The following SH3TC1 variants were observed in gnomAD, a reference collection of about 807,000 sequenced individuals.
The protein encoded by SH3TC1 is SH3 domain and tetratricopeptide repeats 1.
In SH3TC1, 135 loss-of-function variants were observed where a neutral mutation model predicts 117.3. That is an observed-to-expected ratio of 1.15 (90% confidence interval 1.00 to 1.33). The LOEUF (loss-of-function observed/expected upper bound fraction) is 1.33. SH3TC1 is among the 40% of genes most tolerant of loss of function. SH3TC1 has a pLI of 0.00. For missense variants in SH3TC1, 2,092 were observed against 1,794.3 expected (o/e 1.17, Z -3.00); for synonymous variants, 898 against 816.9 (o/e 1.10, Z -1.69).
rs756892676 is a variant in SH3TC1, at chr4:8,235,496, G to A, written c.3346G>A (p.Ala1116Thr). The change falls in exon 15 of 18, where the codon GCT (alanine) becomes ACT (threonine). Residue 1116 changes from alanine to threonine, a missense_variant. Ala to Thr is a moderately conservative substitution (Grantham distance 58, BLOSUM62 0). Coordinates refer to ENST00000245105, the MANE Select transcript of SH3TC1 (RefSeq NM_018986.5). The part of the protein sequence containing the change: ...PNLGLELFEA[A>T]GDIFFDGAWE... Reference sequence around the variant, plus strand: ...CCTGGGGCTGGAGCTGTTTGAGGCGGCTGGAGACATCTTCTTCGACGGGGC... The same window carrying A: ...CCTGGGGCTGGAGCTGTTTGAGGCGACTGGAGACATCTTCTTCGACGGGGC... The A allele has an allele frequency of 6.2e-6, 10 of 1,606,404 alleles. No individual in the cohort carries two copies. In the South Asian group the frequency reaches 8.9e-5, roughly 14 times the overall value.
chr4:8,218,239 C>A (rs1375342679), intron 7 of SH3TC1, 32 bp from the exon 8 acceptor site: 23 of 1,579,156 alleles, frequency 1.5e-5, no homozygotes, highest in Non-Finnish European at 1.7e-5. Flanking sequence ...ATCTGAAATC[C>A]CGCAGCAAAG....
At chr4:8,188,475 A>C (rs953405964) in intron 1 of SH3TC1, among the ~76,000 whole-genome samples, 1 of 152,194 alleles carries the variant, frequency 6.6e-6, no homozygotes, top group African/African-American at 2.4e-5. Flanking sequence ...GCAGGGCCGT[A>C]AAGCAGCTCC....
At chr4:8,189,756 G>T (rs1399721985) in intron 1 of SH3TC1, among the ~76,000 whole-genome samples, 1 of 152,178 alleles carries the variant, frequency 6.6e-6, no homozygotes, top group Non-Finnish European at 1.5e-5. Flanking sequence ...ACTGGCACAG[G>T]CCCTCATTCT....
At chr4:8,236,235 G>T in intron 15 of SH3TC1, 43 bp from the exon 16 acceptor site, 1 of 1,512,128 alleles carries the variant, frequency 6.6e-7, no homozygotes, top group Non-Finnish European at 8.9e-7. Flanking sequence ...GCTGGGCAAG[G>T]TGGGTGCTGC....
At chr4:8,224,480 T>TC (rs1341436172) in intron 10 of SH3TC1, 2 of 152,208 alleles carry the variant, frequency 1.3e-5, no homozygotes, top group East Asian at 3.9e-4. Context: ...TAAGTGGGGG[T>TC]GTTGCAGGAT....
intron 1 of SH3TC1, among the ~76,000 whole-genome samples, chr4:8,182,917 G>T (rs1487904597): frequency 6.6e-6 from 1 of 152,198 alleles, no homozygotes; most frequent in East Asian, 1.9e-4. Flanking sequence ...CTGCCACTGG[G>T]GATGAGACCG....
chr4:8,238,434 C>T (rs1181306636), intron 17 of SH3TC1, among the ~76,000 whole-genome samples: 3 of 152,204 alleles, frequency 2.0e-5, no homozygotes, highest in Non-Finnish European at 2.9e-5. Context: ...AGCAGGCGCC[C>T]GCCCCTACTC....
Position 8,237,537 on chromosome 4 carries a change from A to G in SH3TC1, c.3620A>G (p.His1207Arg). The G allele has an allele frequency of 1.9e-6, 3 of 1,609,672 alleles. No individual in the cohort carries two copies. Among genetic ancestry groups the G allele is most frequent in the Non-Finnish European group, 1.7e-6 (2 of 1,178,732 alleles). Residue 1207 changes from histidine (H) to arginine (R), a missense_variant, in exon 17 of 18, where the codon CAT (histidine) becomes CGT (arginine). His to Arg is a conservative substitution (Grantham distance 29). Coordinates refer to ENST00000245105, the MANE Select transcript of SH3TC1 (RefSeq NM_018986.5). ...RLAALQHRLG[H>R]GELAEHFYLK... ...GCCGCCCTGCAACACCGACTGGGCCATGGCGAGCTGGCAGAGCACTTCTAC... is the reference window on the plus strand; with the variant it reads ...GCCGCCCTGCAACACCGACTGGGCCGTGGCGAGCTGGCAGAGCACTTCTAC...
In SH3TC1 at chr4:8,237,655, C is replaced by T; in HGVS notation, c.3738C>T (p.Ile1246=). ...VKVYLVLGDI[I]FYDLKDPFDA... is the part of the protein sequence containing the mutation. ...TGTACCTGGTGCTCGGTGACATCAT[C>T]TTCTACGACCTGAAGGTGGGTGGGG... Residue 1246 remains isoleucine (I), a synonymous_variant, in exon 17 of 18, where the codon ATC becomes ATT. Coordinates refer to ENST00000245105, the MANE Select transcript of SH3TC1 (RefSeq NM_018986.5). 6.2e-7 allele frequency: 1 copy of T among 1,604,446 alleles called. No homozygotes were observed. The highest frequency in any genetic ancestry group is 8.5e-7 in the Non-Finnish European group (1 of 1,174,572).
At chr4:8,236,890 G>A (rs1189836315) in intron 16 of SH3TC1, 2 of 164,274 alleles carry the variant, frequency 1.2e-5, no homozygotes, top group Non-Finnish European at 2.6e-5. Context: ...GTCCTCTAGA[G>A]AGAGGGAGCC....
intron 4 of SH3TC1, chr4:8,213,105 C>G: frequency 2.1e-6 from 1 of 469,758 alleles, no homozygotes; most frequent in Non-Finnish European, 3.8e-6. Context: ...CTCCACCTGC[C>G]CTCCACCCAC....
At chr4:8,219,920 G>A (rs1719740276) in intron 9 of SH3TC1, among the ~76,000 whole-genome samples, 1 of 152,172 alleles carries the variant, frequency 6.6e-6, no homozygotes, top group Non-Finnish European at 1.5e-5. Flanking sequence ...CTAGGGGAGG[G>A]TCCTTCTTGC....
Position 8,217,132 on chromosome 4 carries a change from G to C in SH3TC1, c.804G>C (p.Val268=). The C allele has an allele frequency of 6.2e-7, 1 of 1,613,068 alleles. No individual in the cohort carries two copies. Among genetic ancestry groups the C allele is most frequent in the Non-Finnish European group, 8.5e-7 (1 of 1,179,668 alleles). ...GCGTGTCCTCCGAGGAGGTGGCAGT[G>C]GCGGCCGCCCCGGAGCCTTTGATTC... ...SPSVSSEEVA[V]AAAPEPLIPF... is the part of the protein sequence containing the mutation. Residue 268 remains valine (V), a synonymous_variant, in exon 7 of 18, where the codon GTG becomes GTC. Coordinates refer to ENST00000245105, the MANE Select transcript of SH3TC1 (RefSeq NM_018986.5).
At position 8,227,579 on chromosome 4, in the gene SH3TC1, G is replaced by A. The variant is rs1720615538; in HGVS notation, c.1885G>A (p.Ala629Thr). The A allele has an allele frequency of 1.3e-6, 2 of 1,520,948 alleles. No homozygotes were observed. The highest frequency in any genetic ancestry group is 1.8e-6 in the Non-Finnish European group (2 of 1,137,188). The allele number at this position is 1,520,948 out of a possible 1,614,324, so 94.2% of individuals were successfully genotyped here. A position where few individuals can be genotyped will look rare whatever the true frequency, so the allele number is the denominator to read the frequency against. ...KCAQVVPKAM[A>T]LLLGTPDHIC... Reference sequence around the variant, plus strand: ...TGCACAGGTGGTGCCCAAAGCCATGGCCCTGCTCCTGGGGACGCCTGACCA... The same window carrying A: ...TGCACAGGTGGTGCCCAAAGCCATGACCCTGCTCCTGGGGACGCCTGACCA... The change falls in exon 12 of 18, where the codon GCC (alanine) becomes ACC (threonine). Residue 629 changes from alanine to threonine, a missense_variant. Physicochemically the swap from Ala to Thr is moderately conservative, Grantham distance 58. Transcript: ENST00000245105.
Position 8,219,368 on chromosome 4 carries a change from A to G in SH3TC1, c.950A>G (p.Gln317Arg). Reference protein sequence around the residue: ...VGLASALADFQGSGPEEMTFR... With the variant: ...VGLASALADFRGSGPEEMTFR... ...CTGGCCTCGGCATTGGCAGACTTCC[A>G]GGGCTCGGGGCCCGAAGAGATGACC... Residue 317 changes from glutamine (Q) to arginine (R), a missense_variant, in exon 9 of 18, where the codon CAG becomes CGG. Physicochemically the swap from Gln to Arg is conservative, Grantham distance 43. Coordinates refer to ENST00000245105, the MANE Select transcript of SH3TC1 (RefSeq NM_018986.5). 6.2e-7 allele frequency: 1 copy of G among 1,603,536 alleles called. No individual in the cohort carries two copies. The highest frequency in any genetic ancestry group is 1.1e-5 in the South Asian group (1 of 90,374).
chr4:8,234,051 C>G (rs920353522), intron 14 of SH3TC1, among the ~76,000 whole-genome samples: 1 of 150,348 alleles, frequency 6.7e-6, no homozygotes, highest in African/African-American at 2.5e-5. Flanking sequence ...CATCATTCAT[C>G]CATCCTTTTA....
intron 17 of SH3TC1, among the ~76,000 whole-genome samples, chr4:8,240,224 T>C (rs1389851703): frequency 6.6e-6 from 1 of 152,152 alleles, no homozygotes; most frequent in African/African-American, 2.4e-5. Context: ...ACTCCGTCAA[T>C]ATTTCAGGGA....
upstream of SH3TC1, among the ~76,000 whole-genome samples, chr4:8,199,106 C>A (rs1234949119): frequency 6.6e-6 from 1 of 152,218 alleles, no homozygotes; most frequent in Non-Finnish European, 1.5e-5. Context: ...AGCGGGCAGG[C>A]AGGACAGGGC....
At position 8,206,845 on chromosome 4, in the gene SH3TC1, G is replaced by GTT. The variant is rs1489244765; in HGVS notation, c.172+1480_172+1481insTT. On this transcript the variant is annotated intron_variant, in intron 2 of 17. Coordinates refer to ENST00000245105, the MANE Select transcript of SH3TC1 (RefSeq NM_018986.5). This position sits in a 1 kb window ranked among gnomAD's most constrained non-coding sequence, Gnocchi z 5.5. ...TGTGTGTGTACTCGTGTGTGTGTGT[G>GTT]TGTGTGTGTGTGTGTGTGTGTGTGA... 6.7e-6 allele frequency among the ~76,000 whole-genome samples: 1 copy of GTT among 150,264 alleles called. No individual in the cohort carries two copies. Among genetic ancestry groups the GTT allele is most frequent in the African/African-American group, 2.5e-5 (1 of 39,778 alleles).
Sources: allele counts gnomAD v4.1 joint callset (sites outside exome capture counted in the v4.1 genomes callset), GRCh38; gene constraint gnomAD v4.1.1; non-coding constraint Gnocchi (gnomAD v3.1); transcripts MANE v1.5; gene names NCBI Gene and HGNC (gene_info 2026-07-23, HGNC 2026-07-21).